Variants in MCPH1 observed in about 807,000 individuals in gnomAD.
MCPH1 encodes microcephalin 1.
In MCPH1, 104 loss-of-function variants were observed where a neutral mutation model predicts 84.5. That is an observed-to-expected ratio of 1.23 (90% CI 1.05 to 1.45). The LOEUF is 1.45. Ranked by LOEUF, MCPH1 falls within the 40% of genes most tolerant of loss-of-function variation. The probability of loss-of-function intolerance (pLI) is 0.00; values close to 1 mark genes in which losing one functional copy is unlikely to be tolerated. For synonymous variants in MCPH1, 514 were observed against 366.8 expected (o/e 1.40, Z -4.58); for missense variants, 1,498 against 1,005.7 (o/e 1.49, Z -6.62).
chr8:6,637,287 CAG>C (rs1247414784), intron 13 of MCPH1, among the ~76,000 whole-genome samples: 2 of 152,068 alleles, frequency 1.3e-5, no homozygotes, highest in East Asian at 3.9e-4. Flanking sequence ...ATGAAGAAAA[CAG>C]GGTGAGTATA....
In MCPH1 at chr8:6,413,847, C is replaced by T. The variant is rs539320880; in HGVS notation, c.115-918C>T. On this transcript the variant is annotated intron_variant, in intron 2 of 13. Coordinates refer to ENST00000344683, the MANE Select transcript of MCPH1 (RefSeq NM_024596.5). ...TTGGCTCACTGTAACCGCCACCTCC[C>T]GGGTTGAAGTGATTCTCCTGCCTCA... is the stretch of plus-strand genomic sequence containing the variant. Among the ~76,000 whole-genome samples the T allele has an allele frequency of 2.6e-4, 39 of 152,008 alleles. 1 individual carries two copies. The highest frequency in any genetic ancestry group is 1.0e-3 in the South Asian group (5 of 4,818).
At chr8:6,594,690 C>A (rs1269734828) in intron 12 of MCPH1, among the ~76,000 whole-genome samples, 1 of 95,688 alleles carries the variant, frequency 1.0e-5, no homozygotes, top group African/African-American at 3.4e-5. Flanking sequence ...CAGGGGACTG[C>A]AGGGGACTGC....
chr8:6,528,178 A>G (rs533924811), intron 12 of MCPH1, among the ~76,000 whole-genome samples: 1 of 152,280 alleles, frequency 6.6e-6, no homozygotes, highest in African/African-American at 2.4e-5. Context: ...ATTTACAGGC[A>G]TTAGCCACTG....
intron 12 of MCPH1, chr8:6,514,836 G>A: frequency 6.9e-7 from 1 of 1,453,184 alleles, no homozygotes; most frequent in Non-Finnish European, 9.6e-7. Context: ...CCCTTACGTA[G>A]CAGAAGCAGG....
intron 13 of MCPH1, among the ~76,000 whole-genome samples, chr8:6,636,748 T>C (rs1797585601): frequency 6.6e-6 from 1 of 152,194 alleles, no homozygotes; most frequent in Non-Finnish European, 1.5e-5. Context: ...GGTTTTAGAC[T>C]CTGGTCCTAT....
chr8:6,468,493 C>G (rs1254393554), intron 9 of MCPH1, among the ~76,000 whole-genome samples: 1 of 152,154 alleles, frequency 6.6e-6, no homozygotes, highest in African/African-American at 2.4e-5. Flanking sequence ...CCACAAGGAG[C>G]AAGGAGCTAG....
Position 6,455,309 on chromosome 8 carries a change from T to C in MCPH1, c.1935+57T>C. The C allele has an allele frequency of 2.5e-6, 3 of 1,215,912 alleles. No individual in the cohort carries two copies. In the East Asian group the frequency reaches 7.0e-5, roughly 28 times the overall value. The allele number at this position is 1,215,912 out of a possible 1,614,324, so 75.3% of individuals were successfully genotyped here. The stretch of plus-strand genomic sequence containing the variant: ...CAAATGCTGATACATCATAATGTTC[T>C]TCTCTGGGTCAATGAAACATAAACC... On this transcript the variant is annotated intron_variant, in intron 9 of 13. Transcript: ENST00000344683.
intron 12 of MCPH1, among the ~76,000 whole-genome samples, chr8:6,552,183 A>G (rs547352430): frequency 1.3e-5 from 2 of 152,214 alleles, no homozygotes; most frequent in African/African-American, 2.4e-5. Context: ...GTTTGGGGCT[A>G]TCTTGTAATA....
At chr8:6,500,502 C>T (rs1811947369) in intron 12 of MCPH1, 1 of 154,304 alleles carries the variant, frequency 6.5e-6, no homozygotes, top group African/African-American at 2.4e-5. Flanking sequence ...ACAGTTTATT[C>T]ATTCAAAAGA....
chr8:6,436,267 A>G lies in MCPH1; in HGVS notation c.436+105A>G, dbSNP rs2916757. 3.2e-3 allele frequency: 3,976 copies of G among 1,228,264 alleles called. 92 individuals are homozygous for G. The African/African-American group carries it at 0.051, about 16-fold the overall frequency. The allele number at this position is 1,228,264 out of a possible 1,614,324, so 76.1% of individuals were successfully genotyped here. ...CAGCATGAGAGAGCTGATGAAGACT[A>G]TGATAGCTTTACTCTATGAAGGAGA... On this transcript the variant is annotated intron_variant, in intron 5 of 13. Coordinates refer to ENST00000344683, the MANE Select transcript of MCPH1 (RefSeq NM_024596.5).
chr8:6,433,239 T>A (rs1802100610), intron 4 of MCPH1, among the ~76,000 whole-genome samples: 1 of 152,206 alleles, frequency 6.6e-6, no homozygotes, highest in Non-Finnish European at 1.5e-5. Context: ...AGCCACATAT[T>A]TGAGTTTATT....
intron 12 of MCPH1, among the ~76,000 whole-genome samples, chr8:6,536,604 C>T (rs1208544053): frequency 6.6e-6 from 1 of 152,090 alleles, no homozygotes; most frequent in Non-Finnish European, 1.5e-5. Flanking sequence ...GTGTTTTCTT[C>T]CAAAGATTAG....
In MCPH1 at chr8:6,521,242, C is replaced by T. The variant is rs3020221; in HGVS notation, c.2214+21313C>T. On this transcript the variant is annotated intron_variant, in intron 12 of 13. Transcript: ENST00000344683. ...TCTCCATGAGATCATGTTGCTGCTT[C>T]TGAAGAACTGAATTATTCACCGTGG... 0.37 allele frequency: 589,023 copies of T among 1,613,280 alleles called. 109,072 individuals carry two copies. Among genetic ancestry groups the T allele is most frequent in the Middle Eastern group, 0.45 (2,717 of 6,058 alleles).
chr8:6,505,433 TATATTCTTTATATACATATA>T (rs1813326095), intron 12 of MCPH1, among the ~76,000 whole-genome samples: 5 of 78,684 alleles, frequency 6.4e-5, no homozygotes, highest in Non-Finnish European at 8.2e-5. Context: ...AAAGAATATA[TATATTCTTTATATACATATA>T]GAATATATAT....
At chr8:6,546,551 C>G (rs1190274956) in intron 12 of MCPH1, among the ~76,000 whole-genome samples, 1 of 151,946 alleles carries the variant, frequency 6.6e-6, no homozygotes, top group Non-Finnish European at 1.5e-5. Flanking sequence ...TTTTTTAAAA[C>G]TCAATTTATA....
At chr8:6,545,060 G>A (rs1176424831) in intron 12 of MCPH1, among the ~76,000 whole-genome samples, 1 of 152,120 alleles carries the variant, frequency 6.6e-6, no homozygotes, top group African/African-American at 2.4e-5. Context: ...CAGACATCAT[G>A]TTGGGTCACA....
intron 12 of MCPH1, among the ~76,000 whole-genome samples, chr8:6,521,959 G>C (rs775696550): frequency 2.0e-5 from 3 of 152,178 alleles, no homozygotes; most frequent in Non-Finnish European, 4.4e-5. Flanking sequence ...CCTGCGACTT[G>C]GAACAGTTTA....
At chr8:6,621,029 G>A (rs146447681) in intron 12 of MCPH1, 22 of 282,100 alleles carry the variant, frequency 7.8e-5, no homozygotes, top group Middle Eastern at 1.3e-3. Context: ...AGCCTGGAGC[G>A]CGCTGGATTG....
chr8:6,442,235 G>A (rs1463292750), intron 7 of MCPH1, 79 bp downstream of exon 7: 2 of 892,158 alleles, frequency 2.2e-6, no homozygotes, highest in African/African-American at 1.6e-5. Context: ...ATTTCATGTA[G>A]CAACTTCTGA....
Sources: gnomAD v4.1 joint callset for allele counts (sites outside exome capture counted in the v4.1 genomes callset) on GRCh38, gnomAD v4.1.1 for gene constraint, MANE v1.5 for transcripts, NCBI Gene and HGNC (gene_info 2026-07-23, HGNC 2026-07-21) for gene names.